Variants in MYO5A observed in about 807,000 individuals in gnomAD.
The protein encoded by MYO5A is myosin VA.
A neutral mutation model predicts 249.7 loss-of-function variants in MYO5A; 98 were observed. The ratio of observed to expected loss-of-function variants is 0.39; its 90% CI spans 0.33 to 0.46. MYO5A has a LOEUF of 0.46. Ranked by LOEUF, MYO5A falls within the 20% of genes least tolerant of loss-of-function variation. MYO5A has a pLI of 0.98. For missense variants in MYO5A, 1,696 were observed against 2,308.8 expected (o/e 0.73, Z 5.44); for synonymous variants, 778 against 810.6 (o/e 0.96, Z 0.68).
At chr15:52,369,669 A>T (rs2040999285) in intron 22 of MYO5A, among the ~76,000 whole-genome samples, 1 of 152,056 alleles carries the variant, frequency 6.6e-6, no homozygotes. Context: ...ATTATGTCTA[A>T]TGTTCCATTA....
chr15:52,515,170 T>TG (rs1041917314), intron 1 of MYO5A, among the ~76,000 whole-genome samples: 2 of 151,470 alleles, frequency 1.3e-5, no homozygotes, highest in South Asian at 2.1e-4. Flanking sequence ...GCCAGCTACT[T>TG]GGGGGGCTAA....
intron 31 of MYO5A, among the ~76,000 whole-genome samples, chr15:52,342,557 A>C (rs776259122): frequency 1.3e-5 from 2 of 152,158 alleles, no homozygotes; most frequent in Non-Finnish European, 2.9e-5. Context: ...TCTGAAGGGA[A>C]GTGTCTTATA....
intron 24 of MYO5A, among the ~76,000 whole-genome samples, chr15:52,361,463 G>T (rs1022369034): frequency 6.6e-6 from 1 of 152,104 alleles, no homozygotes; most frequent in African/African-American, 2.4e-5. Flanking sequence ...ATTGCTTTTT[G>T]CTATTTAATG....
intron 25 of MYO5A, among the ~76,000 whole-genome samples, chr15:52,356,986 C>T (rs1306068755): frequency 2.0e-5 from 3 of 151,888 alleles, no homozygotes; most frequent in South Asian, 2.1e-4. Context: ...TACACCTGAA[C>T]TTTTTCTTTC....
chr15:52,497,573 A>G (rs1433669562), intron 1 of MYO5A, among the ~76,000 whole-genome samples: 1 of 151,372 alleles, frequency 6.6e-6, no homozygotes, highest in East Asian at 1.9e-4. Context: ...CCTGGGCAAC[A>G]TGATGAAACA....
At position 52,343,203 on chromosome 15, in the gene MYO5A, A is replaced by G; in HGVS notation, c.3960-6T>C. ...GGTAATCCAGAGCAGATGATCTTCCATGCAAAAGGAACAACAATGCAAAAC... is the reference window on the plus strand; with the variant it reads ...GGTAATCCAGAGCAGATGATCTTCCGTGCAAAAGGAACAACAATGCAAAAC... On this transcript the variant is annotated splice_region_variant and splice_polypyrimidine_tract_variant and intron_variant, in intron 30 of 41. Coordinates refer to ENST00000399233, the MANE Select transcript of MYO5A (RefSeq NM_001382347.1). 6.2e-7 allele frequency: 1 copy of G among 1,611,250 alleles called. No homozygotes were observed. Among genetic ancestry groups the G allele is most frequent in the Non-Finnish European group, 8.5e-7 (1 of 1,177,348 alleles).
chr15:52,479,228 T>C (rs1192170691), intron 1 of MYO5A, among the ~76,000 whole-genome samples: 1 of 152,120 alleles, frequency 6.6e-6, no homozygotes, highest in Non-Finnish European at 1.5e-5. Context: ...CCTGCCCTCC[T>C]CAGCCTCCCA....
intron 22 of MYO5A, among the ~76,000 whole-genome samples, chr15:52,368,589 C>T (rs1379552256): frequency 2.0e-5 from 3 of 152,102 alleles, no homozygotes; most frequent in Non-Finnish European, 2.9e-5. Context: ...TTCATTCTTC[C>T]CCTATCACTA....
chr15:52,344,449 G>A (rs1483696068), intron 30 of MYO5A, among the ~76,000 whole-genome samples: 3 of 152,138 alleles, frequency 2.0e-5, no homozygotes, highest in African/African-American at 7.2e-5. Flanking sequence ...AAACCACGGA[G>A]TCACCTTCAG....
At chr15:52,362,095 C>A (rs1180101611) in intron 24 of MYO5A, among the ~76,000 whole-genome samples, 5 of 152,200 alleles carry the variant, frequency 3.3e-5, no homozygotes, top group Non-Finnish European at 7.3e-5. Context: ...ATTCCCTGGA[C>A]AACCGAATGT....
At chr15:52,430,586 G>A (rs2075505401) in intron 2 of MYO5A, among the ~76,000 whole-genome samples, 1 of 152,140 alleles carries the variant, frequency 6.6e-6, no homozygotes, top group African/African-American at 2.4e-5. Context: ...AATGATTCTT[G>A]AATAGTTCAG....
intron 1 of MYO5A, among the ~76,000 whole-genome samples, chr15:52,504,575 A>G (rs2077226575): frequency 6.6e-6 from 1 of 152,220 alleles, no homozygotes; most frequent in Non-Finnish European, 1.5e-5. Flanking sequence ...CACATCTTAC[A>G]TTAGGAATGC....
chr15:52,459,174 T>TTTTTTTTTTTTTTTTA (rs869125569), intron 1 of MYO5A, among the ~76,000 whole-genome samples: 1 of 131,172 alleles, frequency 7.6e-6, no homozygotes, highest in African/African-American at 3.0e-5. Flanking sequence ...TTTTTTTTTT[T>TTTTTTTTTTTTTTTTA]AGTATTTATT....
Position 52,324,002 on chromosome 15 carries a change from C to CAAAAAAAAAAAAAAAA in MYO5A, c.4711-574_4711-559dup, listed in dbSNP as rs56227811. On this transcript the variant is annotated intron_variant, in intron 36 of 41. Transcript: ENST00000399233. The stretch of plus-strand genomic sequence containing the variant: ...CTAGAGACAGAACGAGACTCTGTCT[C>CAAAAAAAAAAAAAAAA]AAAAAAAAAAAAAAAAAAAAAAAAA... 19 of 40,250 alleles carry CAAAAAAAAAAAAAAAA rather than the reference C, an allele frequency of 4.7e-4. 3 individuals carry two copies. Among genetic ancestry groups the CAAAAAAAAAAAAAAAA allele is most frequent in the Non-Finnish European group, 1.1e-3 (16 of 14,936 alleles). 2.5% of individuals were successfully genotyped at this position (40,250 alleles called of 1,614,324 possible). A position where few individuals can be genotyped will look rare whatever the true frequency, so the allele number is the denominator to read the frequency against.
chr15:52,516,097 T>C (rs907019361), intron 1 of MYO5A, among the ~76,000 whole-genome samples: 5 of 152,286 alleles, frequency 3.3e-5, no homozygotes, highest in African/African-American at 1.2e-4. Context: ...ATAAGGAAAT[T>C]GAAGCATAAA....
chr15:52,419,051 A>G (rs2141261827), intron 4 of MYO5A, among the ~76,000 whole-genome samples: 1 of 152,368 alleles, frequency 6.6e-6, no homozygotes, highest in East Asian at 1.9e-4. Context: ...CAACAAGGAA[A>G]TTAAGCAATG....
intron 8 of MYO5A, among the ~76,000 whole-genome samples, chr15:52,406,646 T>C (rs2043015970): frequency 6.6e-6 from 1 of 152,184 alleles, no homozygotes; most frequent in African/African-American, 2.4e-5. Flanking sequence ...TCTGAGGTTT[T>C]TTTTTTCTTT....
chr15:52,461,050 T>C (rs2141412335), intron 1 of MYO5A, among the ~76,000 whole-genome samples: 1 of 152,294 alleles, frequency 6.6e-6, no homozygotes, highest in South Asian at 2.1e-4. Context: ...CTTCCCAGGC[T>C]CAGACGATCC....
chr15:52,339,265 A>T (rs1759000245), intron 32 of MYO5A, among the ~76,000 whole-genome samples: 2 of 152,358 alleles, frequency 1.3e-5, no homozygotes, highest in South Asian at 4.1e-4. Context: ...CAGATTGTTA[A>T]ATCTTCAGAG....
Sources: gnomAD v4.1 joint callset for allele counts (sites outside exome capture counted in the v4.1 genomes callset) on GRCh38, gnomAD v4.1.1 for gene constraint, MANE v1.5 for transcripts, NCBI Gene and HGNC (gene_info 2026-07-23, HGNC 2026-07-21) for gene names.